The following ZNF618 variants were observed in gnomAD, a reference collection of about 807,000 sequenced individuals.
The protein encoded by ZNF618 is zinc finger protein 618, also known as neural precursor cell expressed, developmentally down-regulated 10.
Under a neutral mutation model 103.0 loss-of-function variants are expected in ZNF618, and 34 were observed. The ratio of observed to expected loss-of-function variants is 0.33; its 90% confidence interval spans 0.25 to 0.44. The LOEUF is 0.44. Ranked by LOEUF, ZNF618 falls within the 20% of genes least tolerant of loss-of-function variation. ZNF618 has a pLI of 1.00. For missense variants in ZNF618, 1,059 were observed against 1,295.4 expected (o/e 0.82, Z 2.80); for synonymous variants, 551 against 542.2 (o/e 1.02, Z -0.23).
At chr9:113,994,618 G>A (rs559352404) in intron 3 of ZNF618, among the ~76,000 whole-genome samples, 1 of 152,174 alleles carries the variant, frequency 6.6e-6, no homozygotes, top group African/African-American at 2.4e-5. Context: ...ATAAAAGTCT[G>A]CCCCTCTTTC....
intron 1 of ZNF618, among the ~76,000 whole-genome samples, chr9:113,890,578 T>C (rs575485424): frequency 6.6e-6 from 1 of 152,376 alleles, no homozygotes; most frequent in Non-Finnish European, 1.5e-5. Flanking sequence ...AGAAACATCT[T>C]TTTCGTACAG....
intron 1 of ZNF618, among the ~76,000 whole-genome samples, chr9:113,897,399 A>G (rs988019176): frequency 6.6e-6 from 1 of 152,222 alleles, no homozygotes; most frequent in Non-Finnish European, 1.5e-5. Context: ...TTCTGTTCCC[A>G]TCCCCAGCCT....
chr9:113,913,993 C>T (rs118005635), intron 1 of ZNF618, among the ~76,000 whole-genome samples: 373 of 152,258 alleles, frequency 2.4e-3, no homozygotes, highest in Non-Finnish European at 4.6e-3. Context: ...TCTTTAAAGG[C>T]TCTGAAAAGT....
At position 113,904,385 on chromosome 9, in the gene ZNF618, A is replaced by G. The variant is rs1031301611; in HGVS notation, c.33+27972A>G. Among the ~76,000 whole-genome samples the G allele has an allele frequency of 2.6e-5, 4 of 151,828 alleles. No homozygotes were observed. In the South Asian group the frequency reaches 8.3e-4, roughly 31 times the overall value. On this transcript the variant is annotated intron_variant, in intron 1 of 14. Transcript: ENST00000374126. ...TGTTTCAACATCCATAAAGTCTATCATATGTCATTTTTGTATCTCTTCCTG... is the reference window on the plus strand; with the variant it reads ...TGTTTCAACATCCATAAAGTCTATCGTATGTCATTTTTGTATCTCTTCCTG...
intron 3 of ZNF618, among the ~76,000 whole-genome samples, chr9:113,989,717 G>C (rs1010817436): frequency 6.6e-6 from 1 of 152,208 alleles, no homozygotes; most frequent in Non-Finnish European, 1.5e-5. Flanking sequence ...CCATGGCCTC[G>C]TTTCTGCAAG....
chr9:113,983,937 C>G (rs1362345847), intron 2 of ZNF618, among the ~76,000 whole-genome samples: 2 of 152,050 alleles, frequency 1.3e-5, no homozygotes, highest in South Asian at 2.1e-4. Flanking sequence ...AGGCATATGT[C>G]CCAGTGCCTG....
chr9:113,910,234 G>C (rs1831406461), intron 1 of ZNF618, among the ~76,000 whole-genome samples: 1 of 152,184 alleles, frequency 6.6e-6, no homozygotes, highest in Non-Finnish European at 1.5e-5. Context: ...TGGCCTCCCA[G>C]ACCACAGAAA....
At chr9:113,895,264 AAG>A (rs1829939375) in intron 1 of ZNF618, among the ~76,000 whole-genome samples, 1 of 152,158 alleles carries the variant, frequency 6.6e-6, no homozygotes, top group South Asian at 2.1e-4. Context: ...ATTTAGTAAT[AAG>A]AGGGGGTAAA....
intron 2 of ZNF618, among the ~76,000 whole-genome samples, chr9:113,974,330 C>T (rs1838286093): frequency 6.6e-6 from 1 of 152,174 alleles, no homozygotes; most frequent in Admixed American, 6.5e-5. Context: ...ACAACAGGTG[C>T]AAAGGCCCTG....
At chr9:113,937,191 C>G (rs1197027045) in intron 1 of ZNF618, among the ~76,000 whole-genome samples, 2 of 152,184 alleles carry the variant, frequency 1.3e-5, no homozygotes, top group Non-Finnish European at 2.9e-5. Flanking sequence ...CTGCCCTTCA[C>G]CCACATTCCT....
chr9:113,915,332 A>G (rs1252472897), intron 1 of ZNF618, among the ~76,000 whole-genome samples: 1 of 152,180 alleles, frequency 6.6e-6, no homozygotes, highest in Non-Finnish European at 1.5e-5. Flanking sequence ...GACATCCGCT[A>G]CTGTCAAAGA....
At chr9:113,893,850 A>C (rs112736707) in intron 1 of ZNF618, among the ~76,000 whole-genome samples, 2 of 152,148 alleles carry the variant, frequency 1.3e-5, no homozygotes, top group African/African-American at 4.8e-5. Context: ...TTAGTTTAAC[A>C]CATTTCCATA....
At chr9:113,939,652 A>G (rs537964698) in intron 1 of ZNF618, among the ~76,000 whole-genome samples, 4 of 152,032 alleles carry the variant, frequency 2.6e-5, no homozygotes, top group South Asian at 2.1e-4. Flanking sequence ...TTATTGGCCT[A>G]TTTGTTTTCT....
intron 1 of ZNF618, among the ~76,000 whole-genome samples, chr9:113,889,190 T>TA (rs1446390474): frequency 1.3e-5 from 2 of 152,146 alleles, no homozygotes; most frequent in East Asian, 3.9e-4. Flanking sequence ...CTCAGGGTCT[T>TA]TCTGTGGTTG....
chr9:113,928,452 T>C (rs1222179219), intron 1 of ZNF618, among the ~76,000 whole-genome samples: 2 of 152,252 alleles, frequency 1.3e-5, no homozygotes, highest in African/African-American at 4.8e-5. Context: ...GTTGTGTTTC[T>C]TTCCTTGCCT....
At chr9:113,936,223 C>G (rs1320278642) in intron 1 of ZNF618, among the ~76,000 whole-genome samples, 1 of 152,158 alleles carries the variant, frequency 6.6e-6, no homozygotes, top group African/African-American at 2.4e-5. Flanking sequence ...GGTCCAAAAC[C>G]CAGTGCTGCC....
At chr9:113,889,636 T>C (rs1189833348) in intron 1 of ZNF618, among the ~76,000 whole-genome samples, 1 of 152,206 alleles carries the variant, frequency 6.6e-6, no homozygotes, top group Non-Finnish European at 1.5e-5. Flanking sequence ...TAGGATGGGA[T>C]ATATCTTGAT....
At position 113,991,200 on chromosome 9, in the gene ZNF618, G is replaced by A. The variant is rs186099329; in HGVS notation, c.337+2620G>A. ...ACCCGTGAGCCTCATGCCAGCCACC[G>A]ATGCTGATTCCAGCTGAGCTGCTGC... On this transcript the variant is annotated intron_variant, in intron 3 of 14. Coordinates refer to ENST00000374126, the MANE Select transcript of ZNF618 (RefSeq NM_001318042.2). Among the ~76,000 whole-genome samples, 37 of 152,358 alleles carry A rather than the reference G, an allele frequency of 2.4e-4. No individual in the cohort carries two copies. In the East Asian group the frequency reaches 7.1e-3, roughly 29 times the overall value.
chr9:113,903,441 G>A (rs1342238959), intron 1 of ZNF618, among the ~76,000 whole-genome samples: 5 of 150,612 alleles, frequency 3.3e-5, no homozygotes, highest in Non-Finnish European at 7.4e-5. Flanking sequence ...TGTTCGCAAG[G>A]TCATTCTATG....
Sources: gnomAD v4.1 joint callset for allele counts (sites outside exome capture counted in the v4.1 genomes callset) on GRCh38, gnomAD v4.1.1 for gene constraint, MANE v1.5 for transcripts, NCBI Gene and HGNC (gene_info 2026-07-23, HGNC 2026-07-21) for gene names.